Variants in CHLSN observed in about 807,000 individuals in gnomAD.
CHLSN encodes the protein protein cholesin.
chr7:1,022,429 T>A, the CHLSN span, among the ~76,000 whole-genome samples: 1 of 152,186 alleles, frequency 6.6e-6, no homozygotes, highest in Non-Finnish European at 1.5e-5. Context: ...ATTATTAGAA[T>A]CCCACGGCGT....
At chr7:1,053,353 A>G in the CHLSN span, among the ~76,000 whole-genome samples, 19,643 of 152,228 alleles carry the variant, frequency 0.13, 4,263 homozygotes, top group African/African-American at 0.45. Flanking sequence ...CTTGCGCAGG[A>G]CAGGACCCCG....
chr7:1,008,833 G>A, the CHLSN span, among the ~76,000 whole-genome samples: 7 of 139,990 alleles, frequency 5.0e-5, no homozygotes, highest in South Asian at 1.6e-3. Flanking sequence ...TACACAACGT[G>A]TATACACACG....
At chr7:1,064,460 G>C in the CHLSN span, among the ~76,000 whole-genome samples, 241 of 152,308 alleles carry the variant, frequency 1.6e-3, no homozygotes, top group Middle Eastern at 0.037. Flanking sequence ...AGGAACAGCG[G>C]TGGGGAGCAG....
the CHLSN span, chr7:1,056,308 T>C: frequency 6.5e-6 from 1 of 152,934 alleles, no homozygotes; most frequent in South Asian, 2.1e-4. Flanking sequence ...GGCAGCGCTG[T>C]GGCGGCACTG....
chr7:1,099,632 C>T, the CHLSN span, among the ~76,000 whole-genome samples: 1 of 150,454 alleles, frequency 6.6e-6, no homozygotes. Flanking sequence ...AAAATTAGAG[C>T]TGAACTGACT....
chr7:1,106,518 CCA>C, the CHLSN span, among the ~76,000 whole-genome samples: 5,146 of 152,228 alleles, frequency 0.034, 284 homozygotes, highest in African/African-American at 0.12. Flanking sequence ...CCGAGAGCTT[CCA>C]CAGAGTCTGC....
chr7:1,008,172 C>T, the CHLSN span, among the ~76,000 whole-genome samples: 1 of 152,218 alleles, frequency 6.6e-6, no homozygotes, highest in Non-Finnish European at 1.5e-5. Flanking sequence ...CTCTGCCTCC[C>T]ACAGGGAGCC....
chr7:986,815 A>G, the CHLSN span: 4 of 1,516,276 alleles, frequency 2.6e-6, no homozygotes, highest in East Asian at 9.4e-5. Flanking sequence ...GGGACCCAAG[A>G]CCTCCTTGAA....
At chr7:1,009,962 T>TAC in the CHLSN span, 1 of 1,560,064 alleles carries the variant, frequency 6.4e-7, no homozygotes, top group Non-Finnish European at 8.6e-7. Context: ...GCAGAGGTAG[T>TAC]CCAGGGCCAG....
the CHLSN span, among the ~76,000 whole-genome samples, chr7:1,117,117 C>T: frequency 2.9e-5 from 3 of 104,670 alleles, no homozygotes; most frequent in African/African-American, 1.6e-4. Context: ...CCGACGCCCA[C>T]GCAGGATGAT....
At chr7:1,083,748 A>T in the CHLSN span, among the ~76,000 whole-genome samples, 7 of 152,166 alleles carry the variant, frequency 4.6e-5, no homozygotes, top group African/African-American at 1.7e-4. Context: ...ACCCACCGTT[A>T]ACTGGGCCCT....
chr7:1,070,985 GGCACACACACACGT>G, the CHLSN span, among the ~76,000 whole-genome samples: 6 of 145,020 alleles, frequency 4.1e-5, no homozygotes, highest in Non-Finnish European at 7.6e-5. Context: ...CATGCACACG[GGCACACACACACGT>G]GCACACGCAC....
At chr7:1,092,973 T>C in the CHLSN span, 17 of 981,304 alleles carry the variant, frequency 1.7e-5, no homozygotes, top group Non-Finnish European at 2.7e-5. Flanking sequence ...GGCTTCTGGC[T>C]CCTCGGGGCC....
chr7:1,088,810 TGGC>T, the CHLSN span, among the ~76,000 whole-genome samples: 1 of 152,070 alleles, frequency 6.6e-6, no homozygotes, highest in Non-Finnish European at 1.5e-5. This position sits in a 1 kb window ranked among gnomAD's most constrained non-coding sequence, Gnocchi z 4.5. Flanking sequence ...TATAACTCCA[TGGC>T]CACCTCCAGT....
At chr7:986,574 G>A in the CHLSN span, 3 of 1,599,730 alleles carry the variant, frequency 1.9e-6, no homozygotes, top group African/African-American at 2.7e-5. Context: ...TGCCCAGCGT[G>A]CAGCCCTGGG....
the CHLSN span, chr7:1,010,240 T>C: frequency 2.6e-5 from 30 of 1,137,718 alleles, no homozygotes; most frequent in Non-Finnish European, 3.3e-5. Context: ...ACCTCAGTAG[T>C]GGCCAAAAGC....
chr7:1,026,772 AG>A, the CHLSN span: 1 of 152,274 alleles, frequency 6.6e-6, no homozygotes, highest in East Asian at 1.9e-4. Flanking sequence ...AGGCTCCCGT[AG>A]TGCTCGAGAG....
chr7:1,016,981 A>AG, the CHLSN span, among the ~76,000 whole-genome samples: 3 of 63,778 alleles, frequency 4.7e-5, 1 homozygote, highest in Non-Finnish European at 9.0e-5. Context: ...AGCACACACC[A>AG]GCGCACAGCA....
chr7:1,066,446 C>CG, the CHLSN span, among the ~76,000 whole-genome samples: 1 of 152,218 alleles, frequency 6.6e-6, no homozygotes, highest in Non-Finnish European at 1.5e-5. Flanking sequence ...TGTTTCCCGG[C>CG]GGGGGGCCCT....
Sources: allele counts gnomAD v4.1 joint callset (sites outside exome capture counted in the v4.1 genomes callset), GRCh38; gene constraint gnomAD v4.1.1; non-coding constraint Gnocchi (gnomAD v3.1); transcripts MANE v1.5; gene names NCBI Gene and HGNC (gene_info 2026-07-23, HGNC 2026-07-21).